DLG1: variants seen among roughly 807,000 people sequenced by gnomAD.
DLG1 encodes the protein disks large homolog 1.
DLG1 carries 42 observed loss-of-function variants against 123.4 expected under a neutral mutation model. That is an observed-to-expected ratio of 0.34 (90% CI 0.27 to 0.44). The LOEUF is 0.44. DLG1 is among the 20% of genes least tolerant of loss of function. The pLI, the probability that DLG1 is intolerant of heterozygous loss-of-function variation, is 1.00. For synonymous variants in DLG1, 317 were observed against 356.2 expected (o/e 0.89, Z 1.24); for missense variants, 942 against 1,082.6 (o/e 0.87, Z 1.82).
intron 13 of DLG1, 84 bp from the exon 14 acceptor site, chr3:197,105,089 G>A: frequency 1.2e-6 from 1 of 843,744 alleles, no homozygotes; most frequent in Non-Finnish European, 1.8e-6. Flanking sequence ...GAGTAAGCAT[G>A]TATTAAAAAA....
chr3:197,202,659 C>T (rs1726398612), intron 4 of DLG1, among the ~76,000 whole-genome samples: 1 of 152,160 alleles, frequency 6.6e-6, no homozygotes, highest in South Asian at 2.1e-4. Context: ...AAGGCAGTAT[C>T]ATCTTACTCA....
At chr3:197,159,923 T>A (rs1364889188) in intron 5 of DLG1, among the ~76,000 whole-genome samples, 5 of 152,156 alleles carry the variant, frequency 3.3e-5, no homozygotes, top group Non-Finnish European at 1.5e-5. Context: ...AAATATGAGA[T>A]AACACTAAAA....
At chr3:197,234,668 G>A (rs1745026351) in intron 4 of DLG1, among the ~76,000 whole-genome samples, 1 of 152,128 alleles carries the variant, frequency 6.6e-6, no homozygotes, top group Non-Finnish European at 1.5e-5. Context: ...AAGAAAGAGG[G>A]CTGTATGTCT....
intron 5 of DLG1, among the ~76,000 whole-genome samples, chr3:197,182,954 T>C (rs1446609657): frequency 1.3e-5 from 2 of 152,154 alleles, no homozygotes; most frequent in Non-Finnish European, 2.9e-5. Context: ...GATTTGACTA[T>C]GTGAAAAAAT....
In DLG1 at chr3:197,185,186, C is replaced by T. The variant is rs79292994; in HGVS notation, c.483+9239G>A. Among the ~76,000 whole-genome samples, 1,274 of 152,218 alleles carry T rather than the reference C, an allele frequency of 8.4e-3. 38 individuals carry two copies. In the East Asian group the frequency reaches 0.097, roughly 12 times the overall value. The stretch of plus-strand genomic sequence containing the variant: ...AGCTGATAAGAGCATATCGTAAGTC[C>T]CAACCTCAGCCATGGATATTTTTTC... On this transcript the variant is annotated intron_variant, in intron 5 of 24. Coordinates refer to ENST00000667157, the MANE Select transcript of DLG1 (RefSeq NM_001366207.1).
intron 3 of DLG1, among the ~76,000 whole-genome samples, chr3:197,284,569 C>A (rs1437714676): frequency 6.6e-6 from 1 of 152,120 alleles, no homozygotes; most frequent in Non-Finnish European, 1.5e-5. Flanking sequence ...CCAATAGCTA[C>A]AAGTGATTCT....
chr3:197,207,769 G>C (rs1729362222), intron 4 of DLG1, among the ~76,000 whole-genome samples: 1 of 116,314 alleles, frequency 8.6e-6, no homozygotes. Flanking sequence ...TTGGTTAAAA[G>C]ATTATTCAAT....
At chr3:197,168,828 A>G (rs978033719) in intron 5 of DLG1, among the ~76,000 whole-genome samples, 2 of 152,202 alleles carry the variant, frequency 1.3e-5, no homozygotes, top group African/African-American at 4.8e-5. Flanking sequence ...ATCCACAGCA[A>G]CATCATGGAA....
At chr3:197,211,236 T>C (rs1000058538) in intron 4 of DLG1, among the ~76,000 whole-genome samples, 5 of 146,132 alleles carry the variant, frequency 3.4e-5, no homozygotes, top group African/African-American at 1.2e-4. Flanking sequence ...GTACCATTTC[T>C]ACCGAAACTA....
intron 5 of DLG1, among the ~76,000 whole-genome samples, chr3:197,155,635 A>T (rs59924983): frequency 6.6e-6 from 1 of 152,112 alleles, no homozygotes; most frequent in Non-Finnish European, 1.5e-5. Flanking sequence ...AAAAAAAAAA[A>T]AAACTTAGCC....
At chr3:197,137,101 C>G (rs1260551009) in intron 9 of DLG1, among the ~76,000 whole-genome samples, 2 of 152,172 alleles carry the variant, frequency 1.3e-5, no homozygotes, top group Non-Finnish European at 2.9e-5. Context: ...TACCTTTGTT[C>G]TTCTTCAATA....
At chr3:197,084,154 A>C (rs1212211608) in intron 16 of DLG1, among the ~76,000 whole-genome samples, 1 of 152,222 alleles carries the variant, frequency 6.6e-6, no homozygotes, top group African/African-American at 2.4e-5. Context: ...CACCAAAAAT[A>C]CAAAATTTAA....
intron 4 of DLG1, among the ~76,000 whole-genome samples, chr3:197,279,747 G>T (rs761037106): frequency 6.6e-6 from 1 of 152,108 alleles, no homozygotes; most frequent in African/African-American, 2.4e-5. Flanking sequence ...TGCCATTTTT[G>T]ATGAAATTCA....
intron 4 of DLG1, among the ~76,000 whole-genome samples, chr3:197,232,908 G>A (rs7623094): frequency 7.0e-5 from 10 of 143,320 alleles, no homozygotes; most frequent in African/African-American, 1.6e-4. Flanking sequence ...GGTGAAAGAC[G>A]ATGCTTTCTC....
intron 18 of DLG1, chr3:197,075,925 G>A: frequency 1.3e-6 from 2 of 1,539,770 alleles, no homozygotes; most frequent in Middle Eastern, 1.7e-4. Flanking sequence ...AAAGAAAATA[G>A]TTGTCAGTAA....
intron 4 of DLG1, among the ~76,000 whole-genome samples, chr3:197,274,737 T>C (rs1412237234): frequency 6.6e-6 from 1 of 152,184 alleles, no homozygotes; most frequent in Non-Finnish European, 1.5e-5. Context: ...CAAGTATTAA[T>C]AACCAGAATA....
chr3:197,117,917 C>G (rs1386148267), intron 12 of DLG1, among the ~76,000 whole-genome samples: 1 of 151,642 alleles, frequency 6.6e-6, no homozygotes, highest in African/African-American at 2.4e-5. Context: ...TGAATCATAT[C>G]TCAATAAAGC....
chr3:197,101,755 C>T (rs998760528), intron 14 of DLG1, among the ~76,000 whole-genome samples: 3 of 151,620 alleles, frequency 2.0e-5, no homozygotes, highest in Non-Finnish European at 4.4e-5. Context: ...GAGTCCAAAA[C>T]GAGTATAGTA....
intron 4 of DLG1, among the ~76,000 whole-genome samples, chr3:197,243,261 G>A (rs563139128): frequency 7.9e-5 from 12 of 152,230 alleles, no homozygotes; most frequent in Admixed American, 3.9e-4. Context: ...CGAGTAAGGC[G>A]GCATGGGTCA....
Sources: gnomAD v4.1 joint callset for allele counts (sites outside exome capture counted in the v4.1 genomes callset) on GRCh38, gnomAD v4.1.1 for gene constraint, MANE v1.5 for transcripts, NCBI Gene and HGNC (gene_info 2026-07-23, HGNC 2026-07-21) for gene names.